The following NBEA variants were observed in gnomAD, a reference collection of about 807,000 sequenced individuals.
The protein encoded by NBEA is lysosomal-trafficking regulator 2.
NBEA carries 44 observed loss-of-function variants against 343.4 expected under a neutral mutation model. The observed-to-expected ratio is 0.13, with a 90% CI of 0.10 to 0.16. The LOEUF (loss-of-function observed/expected upper bound fraction) is 0.16. Ranked by LOEUF, NBEA falls within the 10% of genes least tolerant of loss-of-function variation. The pLI is 1.00. For synonymous variants in NBEA, 1,175 were observed against 1,238.7 expected (o/e 0.95, Z 1.08); for missense variants, 2,555 against 3,631.3 (o/e 0.70, Z 7.62).
intron 5 of NBEA, among the ~76,000 whole-genome samples, chr13:35,049,116 TATAAG>T (rs773320864): frequency 5.3e-5 from 8 of 151,984 alleles, no homozygotes; most frequent in South Asian, 4.1e-4. Context: ...TGTAAGAAAT[TATAAG>T]ATAAGATTAT....
chr13:35,007,827 TTA>T (rs2061366345), intron 1 of NBEA, among the ~76,000 whole-genome samples: 1 of 152,170 alleles, frequency 6.6e-6, no homozygotes, highest in Admixed American at 6.5e-5. Flanking sequence ...AATTATTGTT[TTA>T]TGTTCTGGTT....
chr13:35,491,660 T>C (rs964452225), intron 41 of NBEA, among the ~76,000 whole-genome samples: 10 of 151,922 alleles, frequency 6.6e-5, no homozygotes, highest in Admixed American at 1.3e-4. Context: ...TCTCTTAATT[T>C]ATTTTTGGTG....
At chr13:35,209,064 T>G (rs2152751063) in intron 32 of NBEA, among the ~76,000 whole-genome samples, 1 of 152,258 alleles carries the variant, frequency 6.6e-6, no homozygotes, top group East Asian at 1.9e-4. Flanking sequence ...AGTATTGGTT[T>G]TGAGTCTTCT....
At chr13:35,588,213 T>C (rs2153041069) in intron 46 of NBEA, among the ~76,000 whole-genome samples, 1 of 152,278 alleles carries the variant, frequency 6.6e-6, no homozygotes, top group South Asian at 2.1e-4. Flanking sequence ...TGGACAGATC[T>C]ATAAAACTGC....
intron 1 of NBEA, among the ~76,000 whole-genome samples, chr13:35,013,228 A>C (rs1338109555): frequency 4.6e-5 from 7 of 152,298 alleles, no homozygotes; most frequent in African/African-American, 1.4e-4. Flanking sequence ...TATCATTAGA[A>C]GTTTATAGTC....
intron 48 of NBEA, 111 bp downstream of exon 48, chr13:35,606,689 T>A: frequency 1.2e-6 from 1 of 814,548 alleles, no homozygotes; most frequent in Non-Finnish European, 1.7e-6. Context: ...TTAACATCTA[T>A]AAATACAAGC....
At chr13:34,956,830 A>T (rs1201788121) in intron 1 of NBEA, among the ~76,000 whole-genome samples, 1 of 152,070 alleles carries the variant, frequency 6.6e-6, no homozygotes, top group South Asian at 2.1e-4. Flanking sequence ...CATCTTCCCA[A>T]ACTGAAATCC....
At chr13:35,220,915 T>A (rs1416159279) in intron 33 of NBEA, among the ~76,000 whole-genome samples, 2 of 152,166 alleles carry the variant, frequency 1.3e-5, no homozygotes. Flanking sequence ...TGCCTATTTC[T>A]CTCTCAGTGA....
chr13:35,427,257 T>G (rs2044748509), intron 38 of NBEA, among the ~76,000 whole-genome samples: 1 of 152,158 alleles, frequency 6.6e-6, no homozygotes, highest in African/African-American at 2.4e-5. Context: ...TCCCCATCTT[T>G]GTGGTTTTAT....
intron 34 of NBEA, among the ~76,000 whole-genome samples, chr13:35,276,905 T>A (rs1349520099): frequency 6.6e-6 from 1 of 152,176 alleles, no homozygotes; most frequent in Non-Finnish European, 1.5e-5. Flanking sequence ...TAAAATAGAT[T>A]ATACATTTGT....
chr13:35,283,861 T>A (rs897630322), intron 34 of NBEA, among the ~76,000 whole-genome samples: 1 of 152,144 alleles, frequency 6.6e-6, no homozygotes, highest in African/African-American at 2.4e-5. Flanking sequence ...GTATCATGGA[T>A]GTACAGCTGA....
At chr13:35,250,968 T>C (rs2031881560) in intron 34 of NBEA, 1 of 152,434 alleles carries the variant, frequency 6.6e-6, no homozygotes. Flanking sequence ...AGGGGAATGG[T>C]ATCAGTGCTG....
chr13:35,064,487 C>T (rs2152570725), intron 8 of NBEA, among the ~76,000 whole-genome samples: 1 of 152,008 alleles, frequency 6.6e-6, no homozygotes, highest in South Asian at 2.1e-4. Flanking sequence ...CAATAATGCC[C>T]AATTGTTATA....
At chr13:35,452,574 A>T (rs2046363077) in intron 40 of NBEA, among the ~76,000 whole-genome samples, 3 of 152,198 alleles carry the variant, frequency 2.0e-5, no homozygotes, top group Admixed American at 6.5e-5. Flanking sequence ...ATTTACGTGT[A>T]TCTCCAACAT....
chr13:34,984,442 C>T (rs186161195), intron 1 of NBEA, among the ~76,000 whole-genome samples: 1 of 152,298 alleles, frequency 6.6e-6, no homozygotes, highest in African/African-American at 2.4e-5. Context: ...GTTTTGGTTA[C>T]TGTGCCATGT....
At chr13:35,081,545 C>G (rs1408539261) in intron 10 of NBEA, among the ~76,000 whole-genome samples, 2 of 150,156 alleles carry the variant, frequency 1.3e-5, no homozygotes, top group Non-Finnish European at 3.0e-5. Context: ...TTTTTAAGTG[C>G]TTATCTCCAT....
chr13:35,075,805 C>A (rs2064088297), intron 10 of NBEA, among the ~76,000 whole-genome samples: 1 of 152,012 alleles, frequency 6.6e-6, no homozygotes, highest in African/African-American at 2.4e-5. Flanking sequence ...TATTGTAATA[C>A]ATAAAGCAAC....
intron 36 of NBEA, among the ~76,000 whole-genome samples, chr13:35,343,948 C>T (rs2039731719): frequency 6.6e-6 from 1 of 151,998 alleles, no homozygotes; most frequent in South Asian, 2.1e-4. Flanking sequence ...CATCCCCTTC[C>T]ACCCACACTG....
chr13:35,567,696 T>C (rs1361602854), intron 45 of NBEA, among the ~76,000 whole-genome samples: 6 of 152,198 alleles, frequency 3.9e-5, no homozygotes, highest in African/African-American at 4.8e-5. Flanking sequence ...CCTCAGCCCA[T>C]TGACTTGGAA....
Sources: allele counts gnomAD v4.1 joint callset (sites outside exome capture counted in the v4.1 genomes callset), GRCh38; gene constraint gnomAD v4.1.1; transcripts MANE v1.5; gene names NCBI Gene and HGNC (gene_info 2026-07-23, HGNC 2026-07-21).